ZC3H8: variants seen among roughly 807,000 people sequenced by gnomAD.
ZC3H8 encodes the protein zinc finger CCCH domain-containing protein 8.
Under a neutral mutation model 42.5 loss-of-function variants are expected in ZC3H8, and 27 were observed. That is an observed-to-expected ratio of 0.64 (90% CI 0.47 to 0.88). The LOEUF is 0.88. Among genes scored for constraint, ZC3H8 ranks in the 40% least tolerant of loss-of-function variants. ZC3H8 has a pLI of 0.00. For synonymous variants in ZC3H8, 101 were observed against 110.1 expected (o/e 0.92, Z 0.52); for missense variants, 277 against 336.1 (o/e 0.82, Z 1.37).
chr2:112,246,469 A>G (rs970910096), intron 2 of ZC3H8, among the ~76,000 whole-genome samples: 3 of 152,104 alleles, frequency 2.0e-5, no homozygotes, highest in Non-Finnish European at 4.4e-5. Context: ...CAGAAGGTCA[A>G]ATATCAACAA....
At chr2:112,240,838 CATG>C (rs1685544691) in intron 2 of ZC3H8, among the ~76,000 whole-genome samples, 1 of 152,080 alleles carries the variant, frequency 6.6e-6, no homozygotes, top group African/African-American at 2.4e-5. Flanking sequence ...AGCATACGAA[CATG>C]ATTACATCCC....
chr2:112,239,579 C>CTTT (rs200972008), intron 2 of ZC3H8, among the ~76,000 whole-genome samples: 7,178 of 85,856 alleles, frequency 0.084, 520 homozygotes, highest in Non-Finnish European at 0.12. Flanking sequence ...TAACAGTTTA[C>CTTT]TTTTTTTTTT....
At chr2:112,220,860 C>T (rs1684552999) in intron 8 of ZC3H8, among the ~76,000 whole-genome samples, 1 of 152,046 alleles carries the variant, frequency 6.6e-6, no homozygotes, top group Admixed American at 6.6e-5. Flanking sequence ...GGTGACCTGC[C>T]TCTTCTCTCC....
chr2:112,238,013 T>C (rs1048469573), intron 3 of ZC3H8, among the ~76,000 whole-genome samples: 4 of 152,176 alleles, frequency 2.6e-5, no homozygotes, highest in Non-Finnish European at 5.9e-5. Context: ...CAAGCAGGCA[T>C]ATCCTATCCT....
intron 7 of ZC3H8, 69 bp from the exon 8 acceptor site, chr2:112,231,019 T>A: frequency 1.0e-6 from 1 of 961,108 alleles, no homozygotes; most frequent in Non-Finnish European, 1.4e-6. Context: ...ACTGTCATAT[T>A]CATAACTTTC....
intron 8 of ZC3H8, among the ~76,000 whole-genome samples, chr2:112,218,115 C>G (rs1045684995): frequency 3.3e-5 from 5 of 152,202 alleles, no homozygotes; most frequent in Admixed American, 2.0e-4. Flanking sequence ...GCTTGCAACT[C>G]AGATAACACA....
intron 2 of ZC3H8, among the ~76,000 whole-genome samples, chr2:112,241,905 T>A (rs955548683): frequency 6.6e-6 from 1 of 152,188 alleles, no homozygotes; most frequent in African/African-American, 2.4e-5. Flanking sequence ...TTAAAAAACT[T>A]GAAAAGGGGT....
At chr2:112,234,291 T>C in intron 4 of ZC3H8, 55 bp from the exon 5 acceptor site, 1 of 1,334,860 alleles carries the variant, frequency 7.5e-7, no homozygotes, top group Non-Finnish European at 1.0e-6. Context: ...TTAAATATTT[T>C]ATTCTGTTGC....
intron 6 of ZC3H8, among the ~76,000 whole-genome samples, chr2:112,232,198 C>A (rs1249490689): frequency 6.6e-6 from 1 of 151,794 alleles, no homozygotes; most frequent in Non-Finnish European, 1.5e-5. Context: ...TGCCTGTAAT[C>A]CCAGCTACTC....
chr2:112,236,617 C>A lies in ZC3H8; in HGVS notation c.449G>T (p.Gly150Val). The A allele has an allele frequency of 6.2e-7, 1 of 1,614,026 alleles. No individual in the cohort carries two copies. Among genetic ancestry groups the A allele is most frequent in the Non-Finnish European group, 8.5e-7 (1 of 1,179,908 alleles). Residue 150 changes from glycine to valine, a missense_variant, in exon 4 of 9, where the codon GGC (glycine) becomes GTC (valine). By Grantham distance (109) the Gly-to-Val change is moderately radical. Coordinates refer to ENST00000409573, the MANE Select transcript of ZC3H8 (RefSeq NM_032494.3). ...KQKKMKRKWP[G>V]PGNKGSNALL... Reference sequence around the variant, plus strand: ...AGCATTTGATCCTTTGTTTCCAGGGCCAGGCCATTTTCGCTTCATTTTCTT... The same window carrying A: ...AGCATTTGATCCTTTGTTTCCAGGGACAGGCCATTTTCGCTTCATTTTCTT...
chr2:112,237,418 G>T (rs1685384029), intron 3 of ZC3H8, among the ~76,000 whole-genome samples: 2 of 152,044 alleles, frequency 1.3e-5, no homozygotes, highest in South Asian at 4.1e-4. Context: ...ATTTTAAATA[G>T]ATCAAGTTTT....
chr2:112,234,300 G>A, intron 4 of ZC3H8, 64 bp from the exon 5 acceptor site: 12 of 1,290,664 alleles, frequency 9.3e-6, no homozygotes, highest in Non-Finnish European at 1.3e-5. Flanking sequence ...TTATTCTGTT[G>A]CACAAAATTA....
At chr2:112,243,130 C>T (rs1266997069) in intron 2 of ZC3H8, among the ~76,000 whole-genome samples, 2 of 152,224 alleles carry the variant, frequency 1.3e-5, no homozygotes, top group Admixed American at 1.3e-4. Context: ...TGCTTGGTAT[C>T]ACTGTGCTGT....
chr2:112,212,457 T>C lies in ZC3H8; in HGVS notation c.*4027A>G, dbSNP rs1205924860. On this transcript the variant is annotated 3_prime_UTR_variant, in exon 9 of 9. Transcript: ENST00000409573. ...TGGCGAGGGGGAGAAACATGGACTT[T>C]GGGAAGAAGAATGTAGGTTTGCTTC... 6.6e-6 allele frequency: 1 copy of C among 152,254 alleles called. No individual in the cohort carries two copies. The allele number at this position is 152,254 out of a possible 1,614,324, so 9.4% of individuals were successfully genotyped here. A position where few individuals can be genotyped will look rare whatever the true frequency, so the allele number is the denominator to read the frequency against.
intron 4 of ZC3H8, 25 bp from the exon 5 acceptor site, chr2:112,234,261 TA>T: frequency 6.8e-7 from 1 of 1,470,322 alleles, no homozygotes; most frequent in Non-Finnish European, 9.3e-7. Context: ...ACAAAAAAAC[TA>T]AATGTAAGAA....
intron 2 of ZC3H8, among the ~76,000 whole-genome samples, chr2:112,245,044 C>T (rs544097404): frequency 6.6e-6 from 1 of 152,354 alleles, no homozygotes; most frequent in East Asian, 1.9e-4. Context: ...AGCTAGGCCT[C>T]GTAAGCCAAA....
chr2:112,224,712 A>T (rs1354168652), intron 8 of ZC3H8, among the ~76,000 whole-genome samples: 1 of 152,360 alleles, frequency 6.6e-6, no homozygotes, highest in Admixed American at 6.5e-5. Context: ...TGAGCAAAAG[A>T]CACAAGAGTG....
intron 3 of ZC3H8, among the ~76,000 whole-genome samples, chr2:112,237,957 CT>C (rs1165089381): frequency 6.6e-6 from 1 of 152,174 alleles, no homozygotes; most frequent in Non-Finnish European, 1.5e-5. Flanking sequence ...GAGTTACAGT[CT>C]GACATACAAC....
At chr2:112,241,560 AT>A (rs1327664450) in intron 2 of ZC3H8, among the ~76,000 whole-genome samples, 1 of 152,238 alleles carries the variant, frequency 6.6e-6, no homozygotes, top group Non-Finnish European at 1.5e-5. Context: ...CCAAATTGAC[AT>A]TTGGTATTTG....
Sources: gnomAD v4.1 joint callset for allele counts (sites outside exome capture counted in the v4.1 genomes callset) on GRCh38, gnomAD v4.1.1 for gene constraint, MANE v1.5 for transcripts, NCBI Gene and HGNC (gene_info 2026-07-23, HGNC 2026-07-21) for gene names.